The following PRR29 variants were observed in gnomAD, a reference collection of about 807,000 sequenced individuals.
PRR29 encodes the protein proline rich 29, also known as proline-rich protein 29.
In PRR29, 20 loss-of-function variants were observed where a neutral mutation model predicts 25.1. The ratio of observed to expected loss-of-function variants is 0.80; its 90% CI spans 0.56 to 1.16. The LOEUF is 1.16. Ranked by LOEUF, PRR29 falls within the 50% of genes most tolerant of loss-of-function variation. The pLI is 0.00. For synonymous variants in PRR29, 108 were observed against 102.6 expected (o/e 1.05, Z -0.32); for missense variants, 238 against 246.6 (o/e 0.97, Z 0.23).
In PRR29 at chr17:64,003,489, A is replaced by G. The variant is rs369452041; in HGVS notation, c.*1728A>G. 1.7e-4 allele frequency: 120 copies of G among 709,412 alleles called. No homozygotes were observed. In the African/African-American group the frequency reaches 1.9e-3, roughly 11 times the overall value. 43.9% of individuals were successfully genotyped at this position (709,412 alleles called of 1,614,324 possible). A position where few individuals can be genotyped will look rare whatever the true frequency, so the allele number is the denominator to read the frequency against. ...TGAGGTCCAAGCTGGGGACTTGGAAAGAACTTCAGGGAAGAGGGAGAGTAA... is the reference window on the plus strand; with the variant it reads ...TGAGGTCCAAGCTGGGGACTTGGAAGGAACTTCAGGGAAGAGGGAGAGTAA... On this transcript the variant is annotated 3_prime_UTR_variant, in exon 6 of 6. Coordinates refer to ENST00000412177, the MANE Select transcript of PRR29 (RefSeq NM_001164257.2).
rs557127086 is a variant in PRR29 at position 64,000,194 on chromosome 17, T to TG, written c.244-885dup. On this transcript the variant is annotated intron_variant, in intron 3 of 5. Transcript: ENST00000412177. ...CTCAGTGGACTCCTGGCCCCAGCTC[T>TG]GGGGGTCACACCTGGAATCAACTGG... Among the ~76,000 whole-genome samples, 242 of 152,326 alleles carry TG rather than the reference T, an allele frequency of 1.6e-3. 2 individuals are homozygous for TG. The highest frequency in any genetic ancestry group is 3.9e-3 in the Admixed American group (60 of 15,306).
chr17:64,001,210 C>T lies in PRR29; in HGVS notation c.370C>T (p.Leu124=). 1 of 1,537,418 alleles carries T rather than the reference C, an allele frequency of 6.5e-7. No individual in the cohort carries two copies. The highest frequency in any genetic ancestry group is 8.7e-7 in the Non-Finnish European group (1 of 1,146,934). Residue 124 remains leucine (L), a synonymous_variant, in exon 4 of 6, where the codon CTG becomes TTG. Coordinates refer to ENST00000412177, the MANE Select transcript of PRR29 (RefSeq NM_001164257.2). ...PYLMPSPGAL[L]PWPAPFFPTP... is the part of the protein sequence containing the mutation. The stretch of plus-strand genomic sequence containing the variant: ...TTTGATGCCCTCCCCGGGTGCCCTG[C>T]TGCCCTGGCCAGCCCCCTTCTTCCC...
In PRR29 at chr17:64,002,045, T is replaced by C. The variant is rs572357463; in HGVS notation, c.*284T>C. 1 of 1,486,394 alleles carries C rather than the reference T, an allele frequency of 6.7e-7. No homozygotes were observed. The highest frequency in any genetic ancestry group is 1.4e-5 in the African/African-American group (1 of 72,172). 92.1% of individuals were successfully genotyped at this position (1,486,394 alleles called of 1,614,324 possible). ...CGCCTCTGCCCCACTGCTTCCTGCCTGGAGCAGGGGGAGGCCTGGGAACAG... is the reference window on the plus strand; with the variant it reads ...CGCCTCTGCCCCACTGCTTCCTGCCCGGAGCAGGGGGAGGCCTGGGAACAG... On this transcript the variant is annotated 3_prime_UTR_variant, in exon 6 of 6. Coordinates refer to ENST00000412177, the MANE Select transcript of PRR29 (RefSeq NM_001164257.2).
chr17:63,998,951 T>C lies in PRR29; in HGVS notation c.137-17T>C, dbSNP rs1353539588. On this transcript the variant is annotated splice_polypyrimidine_tract_variant and intron_variant, in intron 2 of 5. Transcript: ENST00000412177. ...ACTCGGAGGCCCGGCGTGGGCTTGC[T>C]GAACCCCGCTTCCTAGACCTGCTGG... 1.3e-6 allele frequency: 2 copies of C among 1,535,834 alleles called. No individual in the cohort carries two copies. Among genetic ancestry groups the C allele is most frequent in the Non-Finnish European group, 1.7e-6 (2 of 1,146,522 alleles).
intron 3 of PRR29, 28 bp downstream of exon 3, chr17:63,999,102 C>T (rs1407519890): frequency 1.3e-5 from 19 of 1,512,424 alleles, no homozygotes; most frequent in African/African-American, 6.9e-5. Context: ...GCCGGGGTCG[C>T]TCACCTGTGG....
intron 5 of PRR29, 82 bp from the exon 6 acceptor site, chr17:64,001,651 C>A: frequency 1.3e-6 from 2 of 1,513,856 alleles, no homozygotes; most frequent in South Asian, 2.5e-5. Context: ...CTGCTGCAGG[C>A]AACTGGCCTG....
At position 64,002,632 on chromosome 17, in the gene PRR29, T is replaced by C. The variant is rs1307309381; in HGVS notation, c.*871T>C. On this transcript the variant is annotated 3_prime_UTR_variant, in exon 6 of 6. Coordinates refer to ENST00000412177, the MANE Select transcript of PRR29 (RefSeq NM_001164257.2). ...TTTGTATTCGGGCTAGAAAAGGCAA[T>C]GTCCCAAGTCTCTGCTGCCTGTCAC... 4.4e-6 allele frequency: 4 copies of C among 908,174 alleles called. No individual in the cohort carries two copies. The highest frequency in any genetic ancestry group is 3.3e-5 in the African/African-American group (2 of 60,064). 56.3% of individuals were successfully genotyped at this position (908,174 alleles called of 1,614,324 possible).
Position 64,003,143 on chromosome 17 carries a change from A to C in PRR29, c.*1382A>C. 1 of 548,660 alleles carries C rather than the reference A, an allele frequency of 1.8e-6. No homozygotes were observed. Among genetic ancestry groups the C allele is most frequent in the Non-Finnish European group, 3.3e-6 (1 of 306,408 alleles). The allele number at this position is 548,660 out of a possible 1,614,324, so 34.0% of individuals were successfully genotyped here. Reference sequence around the variant, plus strand: ...GCCCAGGGCTCAGGCTACCAGCTGGACTTCTGTGTGGCTGTGAGGGCAGAT... The same window carrying C: ...GCCCAGGGCTCAGGCTACCAGCTGGCCTTCTGTGTGGCTGTGAGGGCAGAT... On this transcript the variant is annotated 3_prime_UTR_variant, in exon 6 of 6. Coordinates refer to ENST00000412177, the MANE Select transcript of PRR29 (RefSeq NM_001164257.2).
At position 64,001,238 on chromosome 17, in the gene PRR29, C is replaced by G; in HGVS notation, c.398C>G (p.Thr133Ser). The G allele has an allele frequency of 2.0e-6, 3 of 1,537,402 alleles. No individual in the cohort carries two copies. Among genetic ancestry groups the G allele is most frequent in the Non-Finnish European group, 2.6e-6 (3 of 1,146,946 alleles). Residue 133 changes from threonine to serine, a missense_variant, in exon 4 of 6, where the codon ACC (threonine) becomes AGC (serine). Transcript: ENST00000412177. The stretch of plus-strand genomic sequence containing the variant: ...CCCTGGCCAGCCCCCTTCTTCCCCA[C>G]CCCTGCTTGTCAGCCCTACTTGCAG... ...LLPWPAPFFPTPACQPYLQDV... is the reference protein window; with the variant it reads ...LLPWPAPFFPSPACQPYLQDV...
At chr17:64,001,018 G>T in intron 3 of PRR29, 66 bp from the exon 4 acceptor site, 1 of 1,282,984 alleles carries the variant, frequency 7.8e-7, no homozygotes, top group Non-Finnish European at 1.1e-6. Flanking sequence ...GGGAATGGAG[G>T]AGTGGCGGTG....
At chr17:64,001,402 T>G in intron 4 of PRR29, 65 bp from the exon 5 acceptor site, 1 of 1,481,320 alleles carries the variant, frequency 6.8e-7, no homozygotes, top group Non-Finnish European at 9.1e-7. Context: ...AGATAACTTG[T>G]GGGTGAAACT....
At chr17:63,998,895 C>T (rs1294882598) in intron 2 of PRR29, 73 bp from the exon 3 acceptor site, 3 of 1,417,398 alleles carry the variant, frequency 2.1e-6, no homozygotes, top group South Asian at 2.4e-5. Context: ...CCATTCTTCA[C>T]CCCCGGGACA....
chr17:63,999,411 G>A (rs926606799), intron 3 of PRR29: 1 of 398,514 alleles, frequency 2.5e-6, no homozygotes. Flanking sequence ...CTGACACCGT[G>A]TAGGGGCTCA....
Position 64,000,689 on chromosome 17 carries a change from G to A in PRR29, c.244-395G>A, listed in dbSNP as rs150364283. Among the ~76,000 whole-genome samples, 578 of 148,926 alleles carry A rather than the reference G, an allele frequency of 3.9e-3. 7 individuals are homozygous for A. The highest frequency in any genetic ancestry group is 6.9e-3 in the Non-Finnish European group (463 of 67,568). On this transcript the variant is annotated intron_variant, in intron 3 of 5. Transcript: ENST00000412177. Reference sequence around the variant, plus strand: ...TTCTTTTGAGATGGAGTCTCGCTCTGCCGCCCAGGCTGGAGTGCAGTAGCT... The same window carrying A: ...TTCTTTTGAGATGGAGTCTCGCTCTACCGCCCAGGCTGGAGTGCAGTAGCT...
chr17:63,998,418 C>T lies in PRR29; in HGVS notation c.54C>T (p.Val18=). ...SWGRSPPQSA[V]PTPWVTFLQP... ...GTCGCTCCCCACCGCAGAGCGCAGTCCCGACGGTGAGGGCTGAGCCCGGGA... is the reference window on the plus strand; with the variant it reads ...GTCGCTCCCCACCGCAGAGCGCAGTTCCGACGGTGAGGGCTGAGCCCGGGA... The change falls in exon 1 of 6, where the codon GTC becomes GTT. Residue 18 remains valine (V), a synonymous_variant. Coordinates refer to ENST00000412177, the MANE Select transcript of PRR29 (RefSeq NM_001164257.2). 2.0e-6 allele frequency: 3 copies of T among 1,495,216 alleles called. No individual in the cohort carries two copies. Among genetic ancestry groups the T allele is most frequent in the Non-Finnish European group, 1.8e-6 (2 of 1,125,968 alleles). The allele number at this position is 1,495,216 out of a possible 1,614,324, so 92.6% of individuals were successfully genotyped here.
Position 64,003,028 on chromosome 17 carries a change from C to T in PRR29, c.*1267C>T. On this transcript the variant is annotated 3_prime_UTR_variant, in exon 6 of 6. Coordinates refer to ENST00000412177, the MANE Select transcript of PRR29 (RefSeq NM_001164257.2). ...CCCCAACCCAGACCCCCAGACCCCG[C>T]CGCCCGCTCATGCATCCAGCAGTCA... is the stretch of plus-strand genomic sequence containing the variant. 1.0e-6 allele frequency: 1 copy of T among 993,260 alleles called. No homozygotes were observed. Among genetic ancestry groups the T allele is most frequent in the Non-Finnish European group, 1.5e-6 (1 of 674,618 alleles). 61.5% of individuals were successfully genotyped at this position (993,260 alleles called of 1,614,324 possible).
chr17:64,003,890 T>C lies in PRR29; in HGVS notation c.*2129T>C. 6.2e-7 allele frequency: 1 copy of C among 1,614,188 alleles called. No homozygotes were observed. The highest frequency in any genetic ancestry group is 8.5e-7 in the Non-Finnish European group (1 of 1,180,016). On this transcript the variant is annotated 3_prime_UTR_variant, in exon 6 of 6. Coordinates refer to ENST00000412177, the MANE Select transcript of PRR29 (RefSeq NM_001164257.2). ...TCCAGGGGCTCCACGGTGGGCACCCTGCACTCAATGGTGAAGGACTTGCCC... is the reference window on the plus strand; with the variant it reads ...TCCAGGGGCTCCACGGTGGGCACCCCGCACTCAATGGTGAAGGACTTGCCC...
chr17:63,998,880 C>T (rs1171364983), intron 2 of PRR29, 88 bp from the exon 3 acceptor site: 2 of 1,392,248 alleles, frequency 1.4e-6, no homozygotes, highest in Non-Finnish European at 2.0e-6. Flanking sequence ...GCACAACCCG[C>T]CAACCCATTC....
At chr17:64,001,381 G>T in intron 4 of PRR29, 71 bp downstream of exon 4, 1 of 1,493,882 alleles carries the variant, frequency 6.7e-7, no homozygotes, top group Non-Finnish European at 9.0e-7. Flanking sequence ...GCAGGGGCTG[G>T]TGGTCGGTGG....
Sources: gnomAD v4.1 joint callset for allele counts (sites outside exome capture counted in the v4.1 genomes callset) on GRCh38, gnomAD v4.1.1 for gene constraint, MANE v1.5 for transcripts, NCBI Gene and HGNC (gene_info 2026-07-23, HGNC 2026-07-21) for gene names.